The following KBTBD12 variants were observed in gnomAD, a reference collection of about 807,000 sequenced individuals.
The protein encoded by KBTBD12 is kelch repeat and BTB domain-containing protein 12.
In KBTBD12, 53 loss-of-function variants were observed where a neutral mutation model predicts 58.7. The ratio of observed to expected loss-of-function variants is 0.90; its 90% CI spans 0.72 to 1.14. The LOEUF is 1.14. Ranked by LOEUF, KBTBD12 falls within the 50% of genes most tolerant of loss-of-function variation. KBTBD12 has a pLI of 0.00. For synonymous variants in KBTBD12, 236 were observed against 259.8 expected, an observed-to-expected ratio of 0.91 and a Z score of 0.88; for missense variants, 704 against 751.3, an observed-to-expected ratio of 0.94 and a Z score of 0.74.
chr3:127,959,836 T>C (rs915194867), intron 4 of KBTBD12, among the ~76,000 whole-genome samples: 1 of 152,212 alleles, frequency 6.6e-6, no homozygotes, highest in African/African-American at 2.4e-5. Context: ...CTGAGATAAA[T>C]TAAATTGACC....
chr3:127,963,616 C>T (rs1940498355), intron 5 of KBTBD12: 2 of 420,666 alleles, frequency 4.8e-6, no homozygotes, highest in South Asian at 4.0e-5. Context: ...TAGTTTACGG[C>T]CATACCACCC....
At position 127,927,747 on chromosome 3, in the gene KBTBD12, C is replaced by T. The variant is rs1939609439; in HGVS notation, c.1071-17C>T. ...CATGTTACCTCTAATCCTGGATACT[C>T]TCTCTCTCTTTTGCAGGTATCATGA... On this transcript the variant is annotated splice_polypyrimidine_tract_variant and intron_variant, in intron 2 of 5. Coordinates refer to ENST00000405109, the MANE Select transcript of KBTBD12 (RefSeq NM_207335.4). The T allele has an allele frequency of 6.8e-7, 1 of 1,465,276 alleles. No homozygotes were observed. The highest frequency in any genetic ancestry group is 1.6e-5 in the South Asian group (1 of 61,120). The allele number at this position is 1,465,276 out of a possible 1,614,324, so 90.8% of individuals were successfully genotyped here.
At chr3:127,918,663 G>A (rs1939317819) in intron 1 of KBTBD12, among the ~76,000 whole-genome samples, 1 of 151,784 alleles carries the variant, frequency 6.6e-6, no homozygotes, top group African/African-American at 2.4e-5. Flanking sequence ...AGTGAGCCGA[G>A]GTCGCGCCAC....
chr3:127,917,593 G>A (rs1396869044), intron 1 of KBTBD12, among the ~76,000 whole-genome samples: 2 of 152,106 alleles, frequency 1.3e-5, no homozygotes, highest in African/African-American at 2.4e-5. Context: ...TATTCTTTCC[G>A]GGGACCAGCT....
rs993762490 is a variant in KBTBD12, at chr3:127,923,010, G to C, written c.-52G>C. The C allele has an allele frequency of 2.9e-6, 3 of 1,042,772 alleles. No homozygotes were observed. The African/African-American group carries it at 4.8e-5, about 17-fold the overall frequency. 64.6% of individuals were successfully genotyped at this position (1,042,772 alleles called of 1,614,324 possible). ...ATCAGACATGCAAATAGCCCCTCAG[G>C]AATCAAGCTACACTTAAAGAAGACT... On this transcript the variant is annotated 5_prime_UTR_variant, in exon 2 of 6. Transcript: ENST00000405109.
At chr3:127,961,339 T>A (rs1490966911) in intron 4 of KBTBD12, among the ~76,000 whole-genome samples, 2 of 152,188 alleles carry the variant, frequency 1.3e-5, no homozygotes, top group African/African-American at 4.8e-5. Context: ...GTGTGTCCCC[T>A]CCTTGGAAAC....
chr3:127,936,334 C>T (rs1939830434), intron 4 of KBTBD12, among the ~76,000 whole-genome samples: 1 of 150,478 alleles, frequency 6.6e-6, no homozygotes, highest in Non-Finnish European at 1.5e-5. Flanking sequence ...CCACTGCATT[C>T]TAGCCTAGGT....
intron 5 of KBTBD12, among the ~76,000 whole-genome samples, chr3:127,968,558 C>G (rs114423572): frequency 2.0e-5 from 3 of 152,128 alleles, no homozygotes; most frequent in Non-Finnish European, 4.4e-5. Flanking sequence ...GAATTATACA[C>G]CGTGTTCGAG....
chr3:127,964,461 A>C (rs1227737963), intron 5 of KBTBD12, among the ~76,000 whole-genome samples: 16 of 147,126 alleles, frequency 1.1e-4, no homozygotes, highest in Non-Finnish European at 1.8e-4. Context: ...GTGAAACCCC[A>C]TCTCTACTTA....
chr3:127,952,247 A>T (rs1940222047), intron 4 of KBTBD12, among the ~76,000 whole-genome samples: 1 of 152,222 alleles, frequency 6.6e-6, no homozygotes, highest in South Asian at 2.1e-4. Flanking sequence ...CAGGGTTCAA[A>T]CACGGATCTG....
At chr3:127,942,107 T>C (rs1346739409) in intron 4 of KBTBD12, among the ~76,000 whole-genome samples, 1 of 152,220 alleles carries the variant, frequency 6.6e-6, no homozygotes, top group Non-Finnish European at 1.5e-5. Context: ...GCCTATCTTT[T>C]ACATTTCTAG....
intron 4 of KBTBD12, among the ~76,000 whole-genome samples, chr3:127,955,690 G>A (rs1014406014): frequency 3.3e-5 from 5 of 152,028 alleles, no homozygotes; most frequent in Non-Finnish European, 7.4e-5. Flanking sequence ...ATTGCACTTC[G>A]AAAAACACAG....
rs372711213 is a variant in KBTBD12 at position 127,924,129 on chromosome 3, T to C, written c.1068T>C (p.Tyr356=). Residue 356 remains tyrosine, a splice_region_variant and synonymous_variant, in exon 2 of 6, where the codon TAT becomes TAC. Coordinates refer to ENST00000405109, the MANE Select transcript of KBTBD12 (RefSeq NM_207335.4). The part of the protein sequence containing the change: ...SRQKNKNVEI[Y]RYHDRGNQFW... ...AAAAGAACAAGAATGTTGAAATTTA[T>C]AGGTTTGTATCTAGCAGCAAATTTG... 3 of 1,589,772 alleles carry C rather than the reference T, an allele frequency of 1.9e-6. No individual in the cohort carries two copies. The African/African-American group carries it at 4.1e-5, about 21-fold the overall frequency.
chr3:127,959,569 A>T (rs895327248), intron 4 of KBTBD12, among the ~76,000 whole-genome samples: 4 of 152,264 alleles, frequency 2.6e-5, no homozygotes, highest in African/African-American at 9.6e-5. Flanking sequence ...CCGGTTACTC[A>T]TGAAACATCC....
intron 5 of KBTBD12, among the ~76,000 whole-genome samples, chr3:127,968,265 C>T (rs1272354357): frequency 6.6e-6 from 1 of 152,158 alleles, no homozygotes; most frequent in Admixed American, 6.5e-5. Context: ...TTGACAGAGT[C>T]CTGGGACTCA....
intron 5 of KBTBD12, among the ~76,000 whole-genome samples, chr3:127,979,360 A>G (rs1047630384): frequency 4.6e-5 from 7 of 152,228 alleles, no homozygotes; most frequent in Non-Finnish European, 1.0e-4. Flanking sequence ...GTAAGAGTGA[A>G]CACTTATATA....
At chr3:127,963,688 G>A (rs917106005) in intron 5 of KBTBD12, 2 of 268,490 alleles carry the variant, frequency 7.4e-6, no homozygotes, top group Non-Finnish European at 7.0e-6. Context: ...ATTAGTACTT[G>A]GGTGGGAGAA....
chr3:127,920,204 A>G (rs1315536242), intron 1 of KBTBD12, among the ~76,000 whole-genome samples: 1 of 152,200 alleles, frequency 6.6e-6, no homozygotes, highest in African/African-American at 2.4e-5. Flanking sequence ...CCTATGCCAG[A>G]TTCACCAAAT....
At chr3:127,955,887 TAA>T (rs1459245054) in intron 4 of KBTBD12, among the ~76,000 whole-genome samples, 2 of 152,218 alleles carry the variant, frequency 1.3e-5, no homozygotes, top group Non-Finnish European at 2.9e-5. Context: ...GGAAGTTGGA[TAA>T]AGTTACTTGC....
Sources: allele counts gnomAD v4.1 joint callset (sites outside exome capture counted in the v4.1 genomes callset), GRCh38; gene constraint gnomAD v4.1.1; transcripts MANE v1.5; gene names NCBI Gene and HGNC (gene_info 2026-07-23, HGNC 2026-07-21).